The following HCRTR2 variants were observed in gnomAD, a reference collection of about 807,000 sequenced individuals.
HCRTR2 encodes the protein orexin receptor type 2.
HCRTR2 carries 22 observed loss-of-function variants against 49.0 expected under a neutral mutation model. The ratio of observed to expected loss-of-function variants is 0.45; its 90% CI spans 0.32 to 0.64. The LOEUF is 0.64. Among genes scored for constraint, HCRTR2 ranks in the 30% least tolerant of loss-of-function variants. HCRTR2 has a pLI of 0.04. For synonymous variants in HCRTR2, 236 were observed against 205.3 expected, an observed-to-expected ratio of 1.15 and a Z score of -1.28; for missense variants, 491 against 559.4, an observed-to-expected ratio of 0.88 and a Z score of 1.23.
chr6:55,257,121 A>T (rs1766667594), intron 3 of HCRTR2, among the ~76,000 whole-genome samples: 1 of 152,068 alleles, frequency 6.6e-6, no homozygotes, highest in Non-Finnish European at 1.5e-5. Flanking sequence ...AGAAAGAGTG[A>T]ATCAGCACTT....
chr6:55,277,394 A>T lies in HCRTR2; in HGVS notation c.777A>T (p.Ser259=). 6.2e-7 allele frequency: 1 copy of T among 1,613,774 alleles called. No homozygotes were observed. Among genetic ancestry groups the T allele is most frequent in the Admixed American group, 1.7e-5 (1 of 59,984 alleles). ...KLWCRQIPGT[S]SVVQRKWKPL... ...TCTCCTTTCAGATCCCTGGAACATC[A>T]TCTGTAGTTCAGAGAAAATGGAAGC... The change falls in exon 5 of 7, where the codon TCA becomes TCT. Residue 259 remains serine (S), a synonymous_variant. Transcript: ENST00000370862.
chr6:55,170,734 T>TCCCCCCC (rs11432290), upstream of HCRTR2, among the ~76,000 whole-genome samples: 1 of 107,268 alleles, frequency 9.3e-6, no homozygotes. Flanking sequence ...CCCTCCCCCC[T>TCCCCCCC]CCCCCACCCC....
intron 1 of HCRTR2, among the ~76,000 whole-genome samples, chr6:55,242,429 G>A (rs1248847501): frequency 2.6e-5 from 4 of 152,018 alleles, no homozygotes; most frequent in Non-Finnish European, 5.9e-5. Context: ...TGATTGCTCT[G>A]AGTACCTCAT....
At chr6:55,108,664 A>C (rs1764007874) in intron 1 of HCRTR2, among the ~76,000 whole-genome samples, 1 of 152,046 alleles carries the variant, frequency 6.6e-6, no homozygotes, top group African/African-American at 2.4e-5. Context: ...CTGGCCCCTA[A>C]GGAAGCCCAG....
chr6:55,267,326 C>G (rs1421961802), intron 4 of HCRTR2, among the ~76,000 whole-genome samples: 1 of 150,570 alleles, frequency 6.6e-6, no homozygotes, highest in Non-Finnish European at 1.5e-5. Context: ...CCTTGTCTGA[C>G]TTTCTCAAGA....
At chr6:55,276,164 TAA>T (rs1767073293) in intron 4 of HCRTR2, among the ~76,000 whole-genome samples, 1 of 152,166 alleles carries the variant, frequency 6.6e-6, no homozygotes, top group Non-Finnish European at 1.5e-5. Context: ...CACTACTATG[TAA>T]AAAAGATTGT....
chr6:55,139,214 G>A (rs540289082), intron 1 of HCRTR2, among the ~76,000 whole-genome samples: 64 of 152,302 alleles, frequency 4.2e-4, no homozygotes, highest in African/African-American at 1.4e-3. Context: ...GAAAATTGTG[G>A]ATTCACCTTT....
chr6:55,213,834 G>T (rs62418314), intron 1 of HCRTR2, among the ~76,000 whole-genome samples: 2,390 of 152,212 alleles, frequency 0.016, 25 homozygotes, highest in Non-Finnish European at 0.023. Context: ...CAACAGTTTG[G>T]ACTAGCATGC....
At chr6:55,247,589 A>C (rs1464574807) in intron 1 of HCRTR2, among the ~76,000 whole-genome samples, 2 of 152,104 alleles carry the variant, frequency 1.3e-5, no homozygotes, top group East Asian at 3.9e-4. Flanking sequence ...TCAGTGAAGC[A>C]AACCCATGAA....
At chr6:55,260,171 G>GA (rs979615783) in intron 3 of HCRTR2, among the ~76,000 whole-genome samples, 9 of 152,088 alleles carry the variant, frequency 5.9e-5, no homozygotes, top group African/African-American at 2.2e-4. Flanking sequence ...AGCTGCAGTG[G>GA]AAAAAATTTA....
At chr6:55,135,306 A>G (rs1361458325) in intron 1 of HCRTR2, among the ~76,000 whole-genome samples, 1 of 152,146 alleles carries the variant, frequency 6.6e-6, no homozygotes, top group Non-Finnish European at 1.5e-5. Flanking sequence ...GAGAGATTTC[A>G]GTTTAGATAA....
chr6:55,195,336 A>G (rs1291258818), intron 1 of HCRTR2, among the ~76,000 whole-genome samples: 1 of 152,182 alleles, frequency 6.6e-6, no homozygotes, highest in Non-Finnish European at 1.5e-5. Flanking sequence ...TAAAGATACC[A>G]TGAGGAAAGT....
chr6:55,188,078 G>T (rs182294916), intron 1 of HCRTR2, among the ~76,000 whole-genome samples: 3 of 152,218 alleles, frequency 2.0e-5, no homozygotes, highest in South Asian at 2.1e-4. Flanking sequence ...CACCACACCC[G>T]GCCATAAATG....
chr6:55,236,689 G>T (rs558800638), intron 1 of HCRTR2, among the ~76,000 whole-genome samples: 1 of 152,008 alleles, frequency 6.6e-6, no homozygotes. Flanking sequence ...CAACTTGGAG[G>T]TGATGCATTT....
chr6:55,282,734 T>A, downstream of HCRTR2: 2 of 386,156 alleles, frequency 5.2e-6, no homozygotes, highest in Non-Finnish European at 9.4e-6. Flanking sequence ...TGTTTAAACA[T>A]TTCTAATTCT....
At position 55,251,607 on chromosome 6, in the gene HCRTR2, T is replaced by C. The variant is rs557899112; in HGVS notation, c.402+2790T>C. Among the ~76,000 whole-genome samples the C allele has an allele frequency of 2.6e-5, 4 of 152,060 alleles. No homozygotes were observed. In the South Asian group the frequency reaches 8.3e-4, roughly 32 times the overall value. ...GATGTGGGAGGTGGGCAGTGGGTGG[T>C]CAAACAAGCTCCCTCTCTTTCAGTC... On this transcript the variant is annotated intron_variant, in intron 2 of 6. Transcript: ENST00000370862.
chr6:55,281,299 A>G (rs566920362), intron 6 of HCRTR2, among the ~76,000 whole-genome samples: 2 of 152,180 alleles, frequency 1.3e-5, no homozygotes, highest in Non-Finnish European at 2.9e-5. Context: ...ATGAGAAATA[A>G]TTTTGTTCTA....
intron 1 of HCRTR2, among the ~76,000 whole-genome samples, chr6:55,211,866 CA>C (rs1765702043): frequency 6.6e-6 from 1 of 152,158 alleles, no homozygotes; most frequent in African/African-American, 2.4e-5. Context: ...GCTAATGTCA[CA>C]ATGGCTACCT....
intron 1 of HCRTR2, among the ~76,000 whole-genome samples, chr6:55,233,649 C>T (rs1008895722): frequency 4.6e-5 from 7 of 152,038 alleles, no homozygotes; most frequent in African/African-American, 1.4e-4. Context: ...GAGGGAGGAT[C>T]GTGCCACTGC....
Sources: allele counts gnomAD v4.1 joint callset (sites outside exome capture counted in the v4.1 genomes callset), GRCh38; gene constraint gnomAD v4.1.1; transcripts MANE v1.5; gene names NCBI Gene and HGNC (gene_info 2026-07-23, HGNC 2026-07-21).